NMNAT3: variants seen among roughly 807,000 people sequenced by gnomAD.
The protein encoded by NMNAT3 is nicotinamide nucleotide adenylyltransferase 3, also known as nicotinamide/nicotinic acid mononucleotide adenylyltransferase 3.
A neutral mutation model predicts 24.8 loss-of-function variants in NMNAT3; 21 were observed. The ratio of observed to expected loss-of-function variants is 0.85; its 90% confidence interval spans 0.60 to 1.22. NMNAT3 has a LOEUF of 1.22. Among genes scored for constraint, NMNAT3 ranks in the 50% most tolerant of loss-of-function variants. NMNAT3 has a pLI of 0.00. For synonymous variants in NMNAT3, 136 were observed against 155.2 expected (o/e 0.88, Z 0.92); for missense variants, 387 against 436.6 (o/e 0.89, Z 1.01).
intron 3 of NMNAT3, among the ~76,000 whole-genome samples, chr3:139,620,209 T>C (rs983200087): frequency 2.0e-5 from 3 of 151,748 alleles, no homozygotes; most frequent in African/African-American, 7.3e-5. Flanking sequence ...TCTTTTTTTT[T>C]TTTTTTTAAA....
At chr3:139,604,559 G>T (rs1474944187) in intron 3 of NMNAT3, among the ~76,000 whole-genome samples, 1 of 152,088 alleles carries the variant, frequency 6.6e-6, no homozygotes, top group East Asian at 1.9e-4. Context: ...ACAAACTGTG[G>T]CATGAAGAGG....
At chr3:139,622,779 T>TATATCA (rs544668994) in intron 3 of NMNAT3, among the ~76,000 whole-genome samples, 1 of 142,516 alleles carries the variant, frequency 7.0e-6, no homozygotes, top group Non-Finnish European at 1.5e-5. Context: ...ATCATATATA[T>TATATCA]GATATATATA....
chr3:139,571,764 C>T (rs994128774), intron 6 of NMNAT3, among the ~76,000 whole-genome samples: 6 of 152,000 alleles, frequency 3.9e-5, no homozygotes, highest in African/African-American at 1.4e-4. Flanking sequence ...GATAGGTTTT[C>T]AATAGGGGAA....
intron 3 of NMNAT3, among the ~76,000 whole-genome samples, chr3:139,587,591 C>T (rs1228702027): frequency 1.3e-5 from 2 of 152,132 alleles, no homozygotes; most frequent in African/African-American, 4.8e-5. Context: ...AATAACTAAC[C>T]TGTAAAAGAC....
intron 1 of NMNAT3, among the ~76,000 whole-genome samples, chr3:139,656,563 A>C (rs2057250803): frequency 6.6e-6 from 1 of 152,194 alleles, no homozygotes; most frequent in South Asian, 2.1e-4. Context: ...TGAGGCAGGC[A>C]GATTGCTTGA....
At chr3:139,653,240 GGTGT>G (rs2057115880) in intron 1 of NMNAT3, among the ~76,000 whole-genome samples, 1 of 152,044 alleles carries the variant, frequency 6.6e-6, no homozygotes, top group Admixed American at 6.6e-5. Context: ...ATGGGACTAA[GGTGT>G]GTGTGTGTTT....
intron 1 of NMNAT3, among the ~76,000 whole-genome samples, chr3:139,652,192 C>T (rs2057077943): frequency 6.6e-6 from 1 of 152,232 alleles, no homozygotes; most frequent in South Asian, 2.1e-4. Flanking sequence ...TTCACAGCTT[C>T]ACTGCCCTGC....
chr3:139,654,905 T>C (rs2057186293), intron 1 of NMNAT3, among the ~76,000 whole-genome samples: 1 of 152,160 alleles, frequency 6.6e-6, no homozygotes, highest in African/African-American at 2.4e-5. Flanking sequence ...CTCACCTGCC[T>C]GTGCTGGTGG....
chr3:139,627,671 G>T lies in NMNAT3; in HGVS notation c.54C>A (p.Ile18=). 1 of 1,596,422 alleles carries T rather than the reference G, an allele frequency of 6.3e-7. No homozygotes were observed. The highest frequency in any genetic ancestry group is 1.7e-5 in the Admixed American group (1 of 59,912). The change falls in exon 3 of 7, where the codon ATC becomes ATA. Residue 18 remains isoleucine (I), a synonymous_variant. Transcript: ENST00000643695. ...CAAACATGCGCAGGTGCATGTTGGTGATGGGGTTAAAGGAGCCACAGGCCA... is the reference window on the plus strand; with the variant it reads ...CAAACATGCGCAGGTGCATGTTGGTTATGGGGTTAAAGGAGCCACAGGCCA...
chr3:139,620,320 C>G (rs1291812880), intron 3 of NMNAT3, among the ~76,000 whole-genome samples: 1 of 151,786 alleles, frequency 6.6e-6, no homozygotes, highest in Non-Finnish European at 1.5e-5. Context: ...CCCCTGAAAC[C>G]CACACCACAA....
At chr3:139,622,848 T>TGA (rs374982919) in intron 3 of NMNAT3, among the ~76,000 whole-genome samples, 1 of 136,368 alleles carries the variant, frequency 7.3e-6, no homozygotes, top group Non-Finnish European at 1.5e-5. Context: ...ATTATATATA[T>TGA]TATATATATA....
At chr3:139,593,033 TAA>T (rs1459992939) in intron 3 of NMNAT3, among the ~76,000 whole-genome samples, 1 of 152,060 alleles carries the variant, frequency 6.6e-6, no homozygotes, top group Non-Finnish European at 1.5e-5. Context: ...GCAAATTGGA[TAA>T]AGAGTCAAGA....
chr3:139,675,662 C>T (rs901881075), intron 1 of NMNAT3, among the ~76,000 whole-genome samples: 4 of 152,258 alleles, frequency 2.6e-5, no homozygotes, highest in African/African-American at 9.6e-5. Context: ...ATACTGCCTC[C>T]ACTCCTATCC....
intron 3 of NMNAT3, among the ~76,000 whole-genome samples, chr3:139,593,018 G>T (rs2054272539): frequency 6.6e-6 from 1 of 152,162 alleles, no homozygotes; most frequent in Admixed American, 6.5e-5. Context: ...AAAAGACACA[G>T]ACTGGCAAAT....
At chr3:139,588,336 G>A (rs1432083240) in intron 3 of NMNAT3, among the ~76,000 whole-genome samples, 3 of 152,168 alleles carry the variant, frequency 2.0e-5, no homozygotes, top group Non-Finnish European at 4.4e-5. Context: ...TAGTTAGAAT[G>A]AAGATATACC....
chr3:139,576,001 A>C (rs142273002), intron 5 of NMNAT3: 149 of 1,289,156 alleles, frequency 1.2e-4, no homozygotes, highest in Non-Finnish European at 1.5e-4. Context: ...TTATCTGTAA[A>C]ATGAGGACAA....
intron 1 of NMNAT3, among the ~76,000 whole-genome samples, chr3:139,649,322 A>AAAACAAACAAACAAAC (rs3028177): frequency 1.3e-4 from 20 of 150,518 alleles, no homozygotes; most frequent in African/African-American, 4.4e-4. Flanking sequence ...GCAAGCAAAG[A>AAAACAAACAAACAAAC]AAACAAACAA....
intron 1 of NMNAT3, among the ~76,000 whole-genome samples, chr3:139,663,685 C>A (rs530250106): frequency 6.6e-6 from 1 of 152,164 alleles, no homozygotes; most frequent in Non-Finnish European, 1.5e-5. Context: ...TAGTTCATGA[C>A]CCTCTGAGCA....
intron 1 of NMNAT3, among the ~76,000 whole-genome samples, chr3:139,649,276 G>C (rs1040844705): frequency 6.6e-6 from 1 of 151,992 alleles, no homozygotes; most frequent in African/African-American, 2.4e-5. Context: ...TGTGGTTTCT[G>C]GAAGTTTCCT....
Sources: gnomAD v4.1 joint callset for allele counts (sites outside exome capture counted in the v4.1 genomes callset) on GRCh38, gnomAD v4.1.1 for gene constraint, MANE v1.5 for transcripts, NCBI Gene and HGNC (gene_info 2026-07-23, HGNC 2026-07-21) for gene names.